The following ZNF638 variants were observed in gnomAD, a reference collection of about 807,000 sequenced individuals.
ZNF638 encodes the protein CTCL tumor antigen se33-1.
In ZNF638, 46 loss-of-function variants were observed where a neutral mutation model predicts 195.6. That is an observed-to-expected ratio of 0.24 (90% CI 0.19 to 0.30). The LOEUF (loss-of-function observed/expected upper bound fraction) is 0.30, where lower values mean the gene tolerates loss of function less well. ZNF638 is among the 10% of genes least tolerant of loss of function. The probability of loss-of-function intolerance (pLI) is 1.00; values close to 1 mark genes in which losing one functional copy is unlikely to be tolerated. For missense variants in ZNF638, 2,440 were observed against 2,325.3 expected (o/e 1.05, Z -1.01); for synonymous variants, 845 against 772.0 (o/e 1.09, Z -1.57).
Position 71,426,630 on chromosome 2 carries a change from C to T in ZNF638, c.4761C>T (p.Ser1587=), listed in dbSNP as rs1376843421. ...TAAAGAAGAAAAAGGGGAAAACTTCCACTCCTCGTGGTGTTGAGGGAGAAC... is the reference window on the plus strand; with the variant it reads ...TAAAGAAGAAAAAGGGGAAAACTTCTACTCCTCGTGGTGTTGAGGGAGAAC... ...LNLKKKKGKT[S]TPRGVEGELS... is the part of the protein sequence containing the mutation. Residue 1587 remains serine (S), a synonymous_variant, in exon 24 of 28, where the codon TCC becomes TCT. Coordinates refer to ENST00000264447, the MANE Select transcript of ZNF638 (RefSeq NM_014497.5). 1 of 1,614,120 alleles carries T rather than the reference C, an allele frequency of 6.2e-7. No homozygotes were observed. Among genetic ancestry groups the T allele is most frequent in the Non-Finnish European group, 8.5e-7 (1 of 1,180,016 alleles).
At position 71,363,884 on chromosome 2, in the gene ZNF638, C is replaced by T. The variant is rs1185639294; in HGVS notation, c.1419-70C>T. 2.6e-6 allele frequency: 4 copies of T among 1,510,296 alleles called. No individual in the cohort carries two copies. In the Admixed American group the frequency reaches 8.7e-5, roughly 33 times the overall value. 93.6% of individuals were successfully genotyped at this position (1,510,296 alleles called of 1,614,324 possible). On this transcript the variant is annotated intron_variant, in intron 4 of 27. Transcript: ENST00000264447. ...ACAGTCTGTTTTTAACAAGGTACTT[C>T]TGTCATTTATTATCATTTAAATTTA... is the stretch of plus-strand genomic sequence containing the variant.
chr2:71,400,429 G>C, intron 14 of ZNF638, 49 bp from the exon 15 acceptor site: 3 of 1,547,728 alleles, frequency 1.9e-6, no homozygotes, highest in Non-Finnish European at 2.6e-6. Flanking sequence ...AATAAAGTAG[G>C]ATCTTGATAA....
Position 71,380,226 on chromosome 2 carries a change from A to G in ZNF638, c.2270A>G (p.Lys757Arg), listed in dbSNP as rs995918426. 2 of 1,547,106 alleles carry G rather than the reference A, an allele frequency of 1.3e-6. No individual in the cohort carries two copies. The highest frequency in any genetic ancestry group is 2.2e-5 in the Admixed American group (1 of 45,530). ...CVPGKKKAQNKEVKKKTLESK... is the reference protein window; with the variant it reads ...CVPGKKKAQNREVKKKTLESK... ...CAAAATATTTTTCCTACGTAGAACA[A>G]AGAGGTGAAGAAAAAGACTTTAGAG... The change falls in exon 9 of 28, where the codon AAA becomes AGA. Residue 757 changes from lysine to arginine, a missense_variant. Transcript: ENST00000264447.
chr2:71,365,138 A>G (rs2079174199), intron 5 of ZNF638, among the ~76,000 whole-genome samples: 1 of 152,246 alleles, frequency 6.6e-6, no homozygotes, highest in East Asian at 1.9e-4. Flanking sequence ...ATGAATTGAT[A>G]AATATTTTTA....
intron 1 of ZNF638, among the ~76,000 whole-genome samples, chr2:71,335,314 T>A (rs1030645881): frequency 1.3e-5 from 2 of 152,206 alleles, no homozygotes; most frequent in Admixed American, 1.3e-4. Flanking sequence ...ATTGCTGGGA[T>A]TACAGGTGTG....
chr2:71,340,192 G>C (rs1042654479), intron 1 of ZNF638, among the ~76,000 whole-genome samples: 2 of 151,884 alleles, frequency 1.3e-5, no homozygotes, highest in African/African-American at 4.8e-5. Context: ...GCCAAATAAC[G>C]TTTCTAATTT....
In ZNF638 at chr2:71,364,052, G is replaced by A. The variant is rs773435714; in HGVS notation, c.1517G>A (p.Arg506His). ...AGATCAAGCTCAAGTCACAGATTCCGTCGGTCTCGAAGCCCAATGCATTAC... is the reference window on the plus strand; with the variant it reads ...AGATCAAGCTCAAGTCACAGATTCCATCGGTCTCGAAGCCCAATGCATTAC... ...SRRSSSSHRF[R>H]RSRSPMHYMY... Residue 506 changes from arginine to histidine, a missense_variant, in exon 5 of 28, where the codon CGT becomes CAT. Physicochemically the swap from Arg to His is conservative, Grantham distance 29. Around this residue, in one of 5 missense-constraint regions of ZNF638, gnomAD observed 1,883 missense variants for 1,739.1 expected, o/e 1.08. Coordinates refer to ENST00000264447, the MANE Select transcript of ZNF638 (RefSeq NM_014497.5). 2.0e-5 allele frequency: 32 copies of A among 1,614,012 alleles called. No homozygotes were observed. The highest frequency in any genetic ancestry group is 2.0e-4 in the South Asian group (18 of 91,092).
intron 6 of ZNF638, among the ~76,000 whole-genome samples, chr2:71,367,348 TC>T (rs1275893507): frequency 6.6e-6 from 1 of 151,190 alleles, no homozygotes; most frequent in Non-Finnish European, 1.5e-5. Context: ...AGCCTCAAGT[TC>T]CTGAGCTCAA....
At chr2:71,419,505 A>G (rs191011891) in intron 21 of ZNF638, among the ~76,000 whole-genome samples, 1 of 152,304 alleles carries the variant, frequency 6.6e-6, no homozygotes, top group African/African-American at 2.4e-5. Context: ...AATTTTTATA[A>G]AATCAGATTA....
chr2:71,365,679 T>C lies in ZNF638; in HGVS notation c.1968T>C (p.Ser656=). 1 of 1,612,418 alleles carries C rather than the reference T, an allele frequency of 6.2e-7. No individual in the cohort carries two copies. The highest frequency in any genetic ancestry group is 1.1e-5 in the South Asian group (1 of 90,514). ...CTTTGTCAGAATGTAAACAGGTGTCTGATAAAGCTGTTTCTCTCCAGCGAA... is the reference window on the plus strand; with the variant it reads ...CTTTGTCAGAATGTAAACAGGTGTCCGATAAAGCTGTTTCTCTCCAGCGAA... The part of the protein sequence containing the change: ...DDTLSECKQV[S]DKAVSLQRKL... The change falls in exon 6 of 28, where the codon TCT becomes TCC. Residue 656 remains serine, a synonymous_variant. Transcript: ENST00000264447.
intron 19 of ZNF638, chr2:71,407,278 C>T (rs1037956031): frequency 2.6e-5 from 4 of 152,218 alleles, no homozygotes; most frequent in African/African-American, 9.6e-5. Flanking sequence ...AATAGTGTGA[C>T]ATAGAATGGA....
Position 71,434,783 on chromosome 2 carries a change from G to T in ZNF638, c.5913G>T (p.Glu1971Asp), listed in dbSNP as rs2080733764. The T allele has an allele frequency of 3.1e-6, 5 of 1,610,962 alleles. No homozygotes were observed. Among genetic ancestry groups the T allele is most frequent in the Non-Finnish European group, 4.2e-6 (5 of 1,179,116 alleles). Residue 1971 changes from glutamate (E) to aspartate (D), a missense_variant, in exon 28 of 28, where the codon GAG becomes GAT. Coordinates refer to ENST00000264447, the MANE Select transcript of ZNF638 (RefSeq NM_014497.5). ...AKQRKEKEQN[E>D]AEERSSR The stretch of plus-strand genomic sequence containing the variant: ...AAAGAAAGGAAAAGGAGCAGAATGA[G>T]GCTGAAGAAAGAAGCTCTAGGTGAT...
chr2:71,373,537 C>G (rs773002545), intron 8 of ZNF638, among the ~76,000 whole-genome samples: 8 of 149,408 alleles, frequency 5.4e-5, no homozygotes, highest in Non-Finnish European at 8.9e-5. Context: ...CTCCACCTCC[C>G]GGGTTCACGT....
In ZNF638 at chr2:71,423,764, T is replaced by A. The variant is rs542517256; in HGVS notation, c.4250T>A (p.Phe1417Tyr). Residue 1417 changes from phenylalanine to tyrosine, a missense_variant, in exon 22 of 28, where the codon TTT (phenylalanine) becomes TAT (tyrosine). Coordinates refer to ENST00000264447, the MANE Select transcript of ZNF638 (RefSeq NM_014497.5). ...TVSKTENQKS[F>Y]PKSVPRDQIN... is the part of the protein sequence containing the mutation. ...TCAAAAACTGAAAATCAGAAAAGTT[T>A]TCCAAAATCTGTGCCCAGAGATCAA... is the stretch of plus-strand genomic sequence containing the variant. The A allele has an allele frequency of 6.2e-7, 1 of 1,613,964 alleles. No homozygotes were observed. Among genetic ancestry groups the A allele is most frequent in the African/African-American group, 1.3e-5 (1 of 75,034 alleles).
chr2:71,429,552 A>C (rs542704143), intron 25 of ZNF638, among the ~76,000 whole-genome samples: 3 of 152,184 alleles, frequency 2.0e-5, no homozygotes, highest in Non-Finnish European at 4.4e-5. Flanking sequence ...AATTTGGCCA[A>C]GTTTTTCCCA....
chr2:71,389,976 A>G (rs2079737409), intron 10 of ZNF638, among the ~76,000 whole-genome samples: 2 of 152,222 alleles, frequency 1.3e-5, no homozygotes, highest in South Asian at 2.1e-4. Context: ...GGCCATGGCA[A>G]TAAAGTCTCC....
chr2:71,337,219 A>G (rs962621817), intron 1 of ZNF638, among the ~76,000 whole-genome samples: 8 of 151,306 alleles, frequency 5.3e-5, no homozygotes, highest in Admixed American at 1.3e-4. Flanking sequence ...GCCATTAACT[A>G]TATTTGAATG....
chr2:71,405,542 T>C (rs1042225454), intron 17 of ZNF638, 59 bp from the exon 18 acceptor site: 10 of 1,028,330 alleles, frequency 9.7e-6, no homozygotes, highest in Middle Eastern at 2.9e-4. Flanking sequence ...CTTAACTAAG[T>C]AAGTATTTGT....
At chr2:71,336,714 G>A (rs1189442049) in intron 1 of ZNF638, among the ~76,000 whole-genome samples, 2 of 152,110 alleles carry the variant, frequency 1.3e-5, no homozygotes, top group African/African-American at 4.8e-5. Context: ...TTGTTAGCAA[G>A]CAGTGGGACC....
Sources: gnomAD v4.1 joint callset for allele counts (sites outside exome capture counted in the v4.1 genomes callset) on GRCh38, gnomAD v4.1.1 for gene constraint, gnomAD v4.1.1 regional missense constraint, MANE v1.5 for transcripts, NCBI Gene and HGNC (gene_info 2026-07-23, HGNC 2026-07-21) for gene names.